The following KDM4C variants were observed in gnomAD, a reference collection of about 807,000 sequenced individuals.
KDM4C encodes lysine demethylase 4C.
Under a neutral mutation model 129.3 loss-of-function variants are expected in KDM4C, and 81 were observed. The ratio of observed to expected loss-of-function variants is 0.63; its 90% CI spans 0.52 to 0.75. KDM4C has a LOEUF of 0.75. Ranked by LOEUF, KDM4C falls within the 30% of genes least tolerant of loss-of-function variation. The pLI is 0.00. For missense variants in KDM4C, 1,457 were observed against 1,304.0 expected (o/e 1.12, Z -1.81); for synonymous variants, 573 against 456.1 (o/e 1.26, Z -3.26).
chr9:7,000,394 A>G (rs1820516625), intron 12 of KDM4C, among the ~76,000 whole-genome samples: 1 of 152,194 alleles, frequency 6.6e-6, no homozygotes, highest in Non-Finnish European at 1.5e-5. Context: ...ATTAGCATGA[A>G]ATCTTATGAT....
At chr9:7,024,462 A>T (rs1248483955) in intron 15 of KDM4C, among the ~76,000 whole-genome samples, 22 of 151,138 alleles carry the variant, frequency 1.5e-4, no homozygotes, top group East Asian at 5.9e-4. Flanking sequence ...TAGGTATATC[A>T]CCTAATGCTA....
At chr9:7,076,526 C>G in intron 17 of KDM4C, 2 of 1,542,776 alleles carry the variant, frequency 1.3e-6, no homozygotes, top group East Asian at 2.4e-5. Context: ...AGGAAAGTTA[C>G]ATCCCCTCCG....
intron 12 of KDM4C, among the ~76,000 whole-genome samples, chr9:7,002,033 C>T (rs1246440613): frequency 1.3e-5 from 2 of 152,116 alleles, no homozygotes; most frequent in Admixed American, 1.3e-4. Flanking sequence ...TCTAGGACTA[C>T]AGGCACGTAC....
chr9:6,840,114 C>T (rs954296948), intron 4 of KDM4C, among the ~76,000 whole-genome samples: 3 of 149,812 alleles, frequency 2.0e-5, no homozygotes, highest in African/African-American at 7.4e-5. Flanking sequence ...ACTCTGTCAC[C>T]CAGGCTGGAG....
intron 8 of KDM4C, among the ~76,000 whole-genome samples, chr9:6,943,544 G>A (rs147223094): frequency 2.0e-5 from 3 of 152,068 alleles, no homozygotes; most frequent in South Asian, 2.1e-4. Context: ...GCATGGTGGC[G>A]TGTGCCTCTG....
At chr9:6,945,934 G>C (rs1439742486) in intron 8 of KDM4C, among the ~76,000 whole-genome samples, 1 of 151,986 alleles carries the variant, frequency 6.6e-6, no homozygotes, top group Non-Finnish European at 1.5e-5. Flanking sequence ...TATTTTATTT[G>C]GTCCAGATGT....
Position 6,992,605 on chromosome 9 carries a change from A to G in KDM4C, c.1786+2081A>G, listed in dbSNP as rs553082738. Among the ~76,000 whole-genome samples the G allele has an allele frequency of 5.3e-5, 8 of 152,172 alleles. No individual in the cohort carries two copies. The South Asian group carries it at 1.7e-3, about 32-fold the overall frequency. On this transcript the variant is annotated intron_variant, in intron 12 of 21. Coordinates refer to ENST00000381309, the MANE Select transcript of KDM4C (RefSeq NM_015061.6). ...ATTATTTACATCATTGGGAACTTGA[A>G]TGTTACCTTAGCCATTTGCCTCTGT...
chr9:6,826,656 A>G (rs1385473967), intron 4 of KDM4C, among the ~76,000 whole-genome samples: 1 of 152,128 alleles, frequency 6.6e-6, no homozygotes, highest in East Asian at 1.9e-4. Context: ...ACCTGAGGTC[A>G]GCAGTTCAAG....
intron 8 of KDM4C, among the ~76,000 whole-genome samples, chr9:6,974,422 C>T (rs1158022571): frequency 4.6e-5 from 7 of 152,100 alleles, no homozygotes; most frequent in East Asian, 1.9e-4. Flanking sequence ...TGCAGTTGTG[C>T]GACCGCGGCT....
At chr9:7,112,710 C>T (rs6477156) in intron 18 of KDM4C, among the ~76,000 whole-genome samples, 1 of 152,040 alleles carries the variant, frequency 6.6e-6, no homozygotes, top group African/African-American at 2.4e-5. Context: ...TTTTATTTTC[C>T]CTCACTTCGT....
intron 15 of KDM4C, among the ~76,000 whole-genome samples, chr9:7,035,706 A>G (rs1055500156): frequency 2.0e-5 from 3 of 152,060 alleles, no homozygotes; most frequent in African/African-American, 7.2e-5. Context: ...CTGCATGTGG[A>G]TATCCAATTT....
At chr9:6,956,065 A>T (rs538725003) in intron 8 of KDM4C, among the ~76,000 whole-genome samples, 2 of 152,222 alleles carry the variant, frequency 1.3e-5, no homozygotes, top group South Asian at 4.1e-4. Context: ...AATTGAACTC[A>T]TGGACATGGT....
In KDM4C at chr9:7,036,777, G is replaced by A. The variant is rs138070273; in HGVS notation, c.2260-10085G>A. On this transcript the variant is annotated intron_variant, in intron 15 of 21. Transcript: ENST00000381309. ...AAAAGATTTGTCTGCACCACCCCCC[G>A]ATATAAGTCAACTGTGAGGGCAGGA... Among the ~76,000 whole-genome samples the A allele has an allele frequency of 4.7e-4, 72 of 152,238 alleles. 1 individual carries two copies. In the East Asian group the frequency reaches 0.013, roughly 27 times the overall value.
chr9:7,041,769 TGGG>T (rs1564028862), intron 15 of KDM4C, among the ~76,000 whole-genome samples: 1 of 151,990 alleles, frequency 6.6e-6, no homozygotes, highest in Non-Finnish European at 1.5e-5. Flanking sequence ...GTTTTGAGGG[TGGG>T]ATTAGGACTT....
chr9:6,742,303 T>A (rs1236256853), intron 1 of KDM4C, among the ~76,000 whole-genome samples: 1 of 152,118 alleles, frequency 6.6e-6, no homozygotes, highest in Non-Finnish European at 1.5e-5. Flanking sequence ...GGCAATACAT[T>A]ATCTTTCCCT....
At chr9:7,051,740 C>T (rs1830178387) in intron 17 of KDM4C, among the ~76,000 whole-genome samples, 1 of 152,158 alleles carries the variant, frequency 6.6e-6, no homozygotes, top group Non-Finnish European at 1.5e-5. Flanking sequence ...TTCTGCCTTC[C>T]TCTTCATACA....
intron 8 of KDM4C, among the ~76,000 whole-genome samples, chr9:6,968,082 G>T (rs7867730): frequency 0.072 from 10,891 of 152,144 alleles, 963 homozygotes; most frequent in African/African-American, 0.21. Context: ...CACTATCAGC[G>T]TGAATTTTTA....
Position 7,124,887 on chromosome 9 carries a change from T to C in KDM4C, c.2611-3179T>C, listed in dbSNP as rs183531002. 6.6e-5 allele frequency among the ~76,000 whole-genome samples: 10 copies of C among 152,280 alleles called. No individual in the cohort carries two copies. In the South Asian group the frequency reaches 1.0e-3, roughly 16 times the overall value. ...GGTTAGAGACCCTTACGAAGATGTT[T>C]GCTGGGAGGGGGCTTTCCCCTTTGT... On this transcript the variant is annotated intron_variant, in intron 18 of 21. Transcript: ENST00000381309.
At chr9:6,894,411 G>A (rs1019092497) in intron 8 of KDM4C, among the ~76,000 whole-genome samples, 2 of 152,204 alleles carry the variant, frequency 1.3e-5, no homozygotes, top group African/African-American at 4.8e-5. Flanking sequence ...AACTCAGTGT[G>A]TGTACTTTGG....
Sources: allele counts gnomAD v4.1 joint callset (sites outside exome capture counted in the v4.1 genomes callset), GRCh38; gene constraint gnomAD v4.1.1; transcripts MANE v1.5; gene names NCBI Gene and HGNC (gene_info 2026-07-23, HGNC 2026-07-21).